Variants in BTBD9 observed in about 807,000 individuals in gnomAD.
The protein encoded by BTBD9 is BTB domain containing 9.
Under a neutral mutation model 64.3 loss-of-function variants are expected in BTBD9, and 49 were observed. The observed-to-expected ratio is 0.76, with a 90% CI of 0.61 to 0.97. The LOEUF is 0.97. BTBD9 is among the 50% of genes least tolerant of loss of function. The probability of loss-of-function intolerance (pLI) is 0.00; values close to 1 mark genes in which losing one functional copy is unlikely to be tolerated. For synonymous variants in BTBD9, 260 were observed against 274.7 expected (o/e 0.95, Z 0.53); for missense variants, 598 against 762.1 (o/e 0.78, Z 2.53).
intron 6 of BTBD9, among the ~76,000 whole-genome samples, chr6:38,365,458 CAG>C (rs1373360222): frequency 6.6e-6 from 1 of 152,144 alleles, no homozygotes; most frequent in Non-Finnish European, 1.5e-5. Context: ...ACTGAAGGTA[CAG>C]GCTGGATGTG....
intron 6 of BTBD9, among the ~76,000 whole-genome samples, chr6:38,456,021 T>C (rs540491451): frequency 6.6e-6 from 1 of 152,136 alleles, no homozygotes; most frequent in South Asian, 2.1e-4. Context: ...TCTTGCTCTG[T>C]AGCCCAGGCT....
intron 6 of BTBD9, among the ~76,000 whole-genome samples, chr6:38,416,587 G>A (rs905293858): frequency 6.4e-5 from 9 of 141,680 alleles, no homozygotes; most frequent in South Asian, 4.5e-4. Context: ...CTCGTGATCC[G>A]CCTGCCTCAG....
intron 9 of BTBD9, among the ~76,000 whole-genome samples, chr6:38,252,492 T>C (rs1393645507): frequency 1.3e-4 from 20 of 152,242 alleles, no homozygotes; most frequent in Admixed American, 1.3e-3. Flanking sequence ...TCTGGTTCCA[T>C]TGATTCTTAC....
rs6920373 is a variant in BTBD9, at chr6:38,601,367, A to G, written c.-27-3246T>C. ...AAATGAGTATTGTTTCACCAATGGG[A>G]TAGTTTACCTACAAAGTGATAGTTT... On this transcript the variant is annotated intron_variant, in intron 1 of 10. Coordinates refer to ENST00000481247, the MANE Select transcript of BTBD9 (RefSeq NM_001099272.2). 8.7e-3 allele frequency among the ~76,000 whole-genome samples: 1,329 copies of G among 152,338 alleles called. 19 individuals carry two copies. Among genetic ancestry groups the G allele is most frequent in the African/African-American group, 0.03 (1,255 of 41,564 alleles).
At chr6:38,405,006 T>A (rs2127245812) in intron 6 of BTBD9, among the ~76,000 whole-genome samples, 1 of 152,318 alleles carries the variant, frequency 6.6e-6, no homozygotes. Flanking sequence ...TTATTGTCAA[T>A]CGTTATGAAA....
At chr6:38,400,026 T>C (rs977304885) in intron 6 of BTBD9, among the ~76,000 whole-genome samples, 1 of 151,938 alleles carries the variant, frequency 6.6e-6, no homozygotes. Context: ...CCTCCCAAAG[T>C]GCTGGGATTA....
intron 6 of BTBD9, among the ~76,000 whole-genome samples, chr6:38,502,553 C>A (rs76452807): frequency 0.061 from 9,290 of 152,202 alleles, 431 homozygotes; most frequent in Non-Finnish European, 0.087. Context: ...AGACCAAGGT[C>A]AATAACGAGG....
chr6:38,465,731 A>G (rs1455045523), intron 6 of BTBD9, among the ~76,000 whole-genome samples: 4 of 50,088 alleles, frequency 8.0e-5, no homozygotes, highest in Non-Finnish European at 8.0e-5. Context: ...ATATATATAT[A>G]TATATATATA....
chr6:38,198,341 C>G (rs775800308), intron 9 of BTBD9, among the ~76,000 whole-genome samples: 2 of 151,988 alleles, frequency 1.3e-5, no homozygotes, highest in Non-Finnish European at 2.9e-5. Context: ...GTGTCACCAT[C>G]GGAAAGAAGC....
chr6:38,256,382 A>G (rs1764578874), intron 9 of BTBD9, 27 bp downstream of exon 9: 2 of 1,530,316 alleles, frequency 1.3e-6, no homozygotes, highest in African/African-American at 1.4e-5. Context: ...TTCAATAGGA[A>G]TAAATTCCTG....
chr6:38,255,780 C>T (rs1764555391), intron 9 of BTBD9, among the ~76,000 whole-genome samples: 2 of 152,208 alleles, frequency 1.3e-5, no homozygotes, highest in East Asian at 1.9e-4. Flanking sequence ...ATAATAACTA[C>T]TGAAGTATGT....
At chr6:38,181,638 A>G (rs1439288101) in intron 10 of BTBD9, among the ~76,000 whole-genome samples, 1 of 152,166 alleles carries the variant, frequency 6.6e-6, no homozygotes, top group Non-Finnish European at 1.5e-5. Context: ...CCAACAAAAT[A>G]TCCCTTTTGA....
chr6:38,174,794 T>C lies in BTBD9; in HGVS notation c.*191A>G, dbSNP rs1311467295. The C allele has an allele frequency of 9.2e-6, 6 of 653,088 alleles. No homozygotes were observed. In the Admixed American group the frequency reaches 1.2e-4, roughly 13 times the overall value. 40.5% of individuals were successfully genotyped at this position (653,088 alleles called of 1,614,324 possible). The stretch of plus-strand genomic sequence containing the variant: ...TTGAGACCTGCCTGATTTGGATAAA[T>C]TGAGAAGAACAAAGCAGCCCCTTTC... On this transcript the variant is annotated 3_prime_UTR_variant, in exon 11 of 11. Coordinates refer to ENST00000481247, the MANE Select transcript of BTBD9 (RefSeq NM_001099272.2).
At chr6:38,620,639 G>C (rs189446563) in intron 1 of BTBD9, among the ~76,000 whole-genome samples, 1 of 152,144 alleles carries the variant, frequency 6.6e-6, no homozygotes, top group Admixed American at 6.5e-5. Flanking sequence ...TAAACCGAAG[G>C]CCCAGCTCTG....
chr6:38,180,533 C>G (rs1761506450), intron 10 of BTBD9, among the ~76,000 whole-genome samples: 1 of 145,716 alleles, frequency 6.9e-6, no homozygotes, highest in Admixed American at 6.9e-5. Context: ...GGGCTTCCCT[C>G]TAGGTGGAAC....
chr6:38,184,140 C>T lies in BTBD9; in HGVS notation c.1641+8379G>A, dbSNP rs752203484. 2.0e-5 allele frequency among the ~76,000 whole-genome samples: 3 copies of T among 152,186 alleles called. No homozygotes were observed. Among genetic ancestry groups the T allele is most frequent in the Non-Finnish European group, 2.9e-5 (2 of 68,036 alleles). Reference sequence around the variant, plus strand: ...TGTATGAGATGCTGTGTTTGCTTACCCATCCTCTGTGGATGGACGCTCGTG... The same window carrying T: ...TGTATGAGATGCTGTGTTTGCTTACTCATCCTCTGTGGATGGACGCTCGTG... On this transcript the variant is annotated intron_variant, in intron 10 of 10. Coordinates refer to ENST00000481247, the MANE Select transcript of BTBD9 (RefSeq NM_001099272.2). This position sits in a 1 kb window ranked among gnomAD's most constrained non-coding sequence, Gnocchi z 4.4.
intron 6 of BTBD9, among the ~76,000 whole-genome samples, chr6:38,503,759 G>A (rs1234752222): frequency 6.6e-6 from 1 of 152,126 alleles, no homozygotes; most frequent in Non-Finnish European, 1.5e-5. Flanking sequence ...TGCACACTAT[G>A]TAAACAATAT....
chr6:38,370,437 A>C (rs1182620708), intron 6 of BTBD9, among the ~76,000 whole-genome samples: 1 of 152,264 alleles, frequency 6.6e-6, no homozygotes, highest in East Asian at 1.9e-4. Context: ...TTGGAAAGAT[A>C]CTGGCTTCTT....
intron 9 of BTBD9, among the ~76,000 whole-genome samples, chr6:38,228,351 CA>C (rs1554130232): frequency 0.067 from 1,897 of 28,364 alleles, 25 homozygotes; most frequent in Middle Eastern, 0.2. Flanking sequence ...TCCCCCCCCC[CA>C]AAAAAAAAAA....
Sources: gnomAD v4.1 joint callset for allele counts (sites outside exome capture counted in the v4.1 genomes callset) on GRCh38, gnomAD v4.1.1 for gene constraint, Gnocchi (gnomAD v3.1) non-coding constraint, MANE v1.5 for transcripts, NCBI Gene and HGNC (gene_info 2026-07-23, HGNC 2026-07-21) for gene names.